Variants in TIMM10 observed in about 807,000 individuals in gnomAD.
TIMM10 encodes the protein mitochondrial import inner membrane translocase subunit Tim10.
In TIMM10, 13 loss-of-function variants were observed where a neutral mutation model predicts 9.1. The ratio of observed to expected loss-of-function variants is 1.42; its 90% CI spans 0.93 to 2.26. The LOEUF is 2.26. TIMM10 is among the 30% of genes most tolerant of loss of function. The pLI, the probability that TIMM10 is intolerant of heterozygous loss-of-function variation, is 0.00. For missense variants in TIMM10, 82 were observed against 113.6 expected, an observed-to-expected ratio of 0.72 and a Z score of 1.26; for synonymous variants, 40 against 42.1, an observed-to-expected ratio of 0.95 and a Z score of 0.20.
At position 57,528,470 on chromosome 11, in the gene TIMM10, T is replaced by A. The variant is rs1305522434; in HGVS notation, c.*247A>T. The A allele has an allele frequency of 6.3e-6, 1 of 159,342 alleles. No individual in the cohort carries two copies. The highest frequency in any genetic ancestry group is 1.3e-5 in the Non-Finnish European group (1 of 79,390). The allele number at this position is 159,342 out of a possible 1,614,324, so 9.9% of individuals were successfully genotyped here. ...CACACTGCTTTGCACATAGTAGGTG[T>A]CAACAAACTTGTTTATATATATATA... is the stretch of plus-strand genomic sequence containing the variant. On this transcript the variant is annotated 3_prime_UTR_variant, in exon 3 of 3. Coordinates refer to ENST00000257245, the MANE Select transcript of TIMM10 (RefSeq NM_012456.3).
chr11:57,528,609 A>T lies in TIMM10; in HGVS notation c.*108T>A. On this transcript the variant is annotated 3_prime_UTR_variant, in exon 3 of 3. Transcript: ENST00000257245. ...CACTCCGGGATCTTGAAGACTCTCTACAGAGAGCCTAGGCCTGGCAGTCTT... is the reference window on the plus strand; with the variant it reads ...CACTCCGGGATCTTGAAGACTCTCTTCAGAGAGCCTAGGCCTGGCAGTCTT... 2 of 1,081,908 alleles carry T rather than the reference A, an allele frequency of 1.8e-6. No individual in the cohort carries two copies. The highest frequency in any genetic ancestry group is 2.7e-6 in the Non-Finnish European group (2 of 731,520). The allele number at this position is 1,081,908 out of a possible 1,614,324, so 67.0% of individuals were successfully genotyped here. A position where few individuals can be genotyped will look rare whatever the true frequency, so the allele number is the denominator to read the frequency against.
intron 1 of TIMM10, 129 bp downstream of exon 1, chr11:57,530,529 C>T: frequency 3.4e-6 from 1 of 290,444 alleles, no homozygotes. Flanking sequence ...GAACCTGAAC[C>T]TCCAGGGCCC....
rs762207558 is a variant in TIMM10 at position 57,528,963 on chromosome 11, C to T, written c.72-45G>A. 3 of 1,600,918 alleles carry T rather than the reference C, an allele frequency of 1.9e-6. No individual in the cohort carries two copies. In the South Asian group the frequency reaches 3.3e-5, roughly 18 times the overall value. ...AGGTCATGTCAGCAGCATCCTGTGACATCCCAGGAACCTTGACCATTCCAG... is the reference window on the plus strand; with the variant it reads ...AGGTCATGTCAGCAGCATCCTGTGATATCCCAGGAACCTTGACCATTCCAG... On this transcript the variant is annotated intron_variant, in intron 2 of 2. Transcript: ENST00000257245.
rs775562451 is a variant in TIMM10 at position 57,528,692 on chromosome 11, C to T, written c.*25G>A. The T allele has an allele frequency of 3.1e-6, 5 of 1,610,816 alleles. No homozygotes were observed. The highest frequency in any genetic ancestry group is 4.2e-6 in the Non-Finnish European group (5 of 1,178,256). On this transcript the variant is annotated 3_prime_UTR_variant, in exon 3 of 3. Coordinates refer to ENST00000257245, the MANE Select transcript of TIMM10 (RefSeq NM_012456.3). ...TAAAGTGGGAAGGGGTGGGGTACAC[C>T]CCAGGGTGTATACTGACAGGGACCT...
At chr11:57,529,899 C>G (rs1414092293) in intron 2 of TIMM10, among the ~76,000 whole-genome samples, 1 of 152,162 alleles carries the variant, frequency 6.6e-6, no homozygotes, top group African/African-American at 2.4e-5. Context: ...CTGCTTGGCT[C>G]CTGCATTGCC....
chr11:57,528,679 G>A lies in TIMM10; in HGVS notation c.*38C>T, dbSNP rs1195812793. 2 of 1,598,668 alleles carry A rather than the reference G, an allele frequency of 1.3e-6. No individual in the cohort carries two copies. Among genetic ancestry groups the A allele is most frequent in the Admixed American group, 1.7e-5 (1 of 59,938 alleles). ...GGAGCACGTTTATTAAAGTGGGAAG[G>A]GGTGGGGTACACCCCAGGGTGTATA... is the stretch of plus-strand genomic sequence containing the variant. On this transcript the variant is annotated 3_prime_UTR_variant, in exon 3 of 3. Coordinates refer to ENST00000257245, the MANE Select transcript of TIMM10 (RefSeq NM_012456.3).
Position 57,528,766 on chromosome 11 carries a change from T to C in TIMM10, c.224A>G (p.Gln75Arg), listed in dbSNP as rs1944773283. 1 of 1,614,098 alleles carries C rather than the reference T, an allele frequency of 6.2e-7. No homozygotes were observed. The change falls in exon 3 of 3, where the codon CAG (glutamine) becomes CGG (arginine). Residue 75 changes from glutamine (Q) to arginine (R), a missense_variant. Physicochemically the swap from Gln to Arg is conservative, Grantham distance 43 (BLOSUM62 1). Coordinates refer to ENST00000257245, the MANE Select transcript of TIMM10 (RefSeq NM_012456.3). Reference sequence around the variant, plus strand: ...CACCCTCTTCATCAGCTCTTCATCCTGCATAGACAACTCTGTCAACTTTTT... The same window carrying C: ...CACCCTCTTCATCAGCTCTTCATCCCGCATAGACAACTCTGTCAACTTTTT... ...MGKKLTELSMQDEELMKRVQQ... is the reference protein window; with the variant it reads ...MGKKLTELSMRDEELMKRVQQ...
chr11:57,530,496 CGGA>C (rs746305667), intron 1 of TIMM10, among the ~76,000 whole-genome samples, 159 bp downstream of exon 1: 18 of 152,088 alleles, frequency 1.2e-4, no homozygotes, highest in Non-Finnish European at 2.6e-4. Flanking sequence ...GATCGAGGAC[CGGA>C]GGAGAACTCT....
chr11:57,530,353 G>A, intron 1 of TIMM10, 119 bp from the exon 2 acceptor site: 1 of 620,964 alleles, frequency 1.6e-6, no homozygotes, highest in South Asian at 1.9e-5. Context: ...ACCTCAGTGA[G>A]CTTAACCACC....
At chr11:57,529,027 G>T in intron 2 of TIMM10, 109 bp from the exon 3 acceptor site, 1 of 1,203,292 alleles carries the variant, frequency 8.3e-7, no homozygotes, top group Non-Finnish European at 1.2e-6. Context: ...AGAAAGCAGT[G>T]TAAATCCTCA....
chr11:57,530,053 A>ACC, intron 2 of TIMM10, 66 bp downstream of exon 2: 2 of 1,565,876 alleles, frequency 1.3e-6, no homozygotes, highest in Non-Finnish European at 1.8e-6. Flanking sequence ...GTCATAAGTC[A>ACC]TTCACCTTCG....
intron 2 of TIMM10, among the ~76,000 whole-genome samples, chr11:57,529,278 G>A (rs942826533): frequency 6.6e-6 from 1 of 152,204 alleles, no homozygotes; most frequent in Non-Finnish European, 1.5e-5. Context: ...GGATCACACA[G>A]AGCTGGGTTA....
chr11:57,528,494 TA>T lies in TIMM10; in HGVS notation c.*222del, dbSNP rs1944769983. On this transcript the variant is annotated 3_prime_UTR_variant, in exon 3 of 3. Transcript: ENST00000257245. Reference sequence around the variant, plus strand: ...GTCAACAAACTTGTTTATATATATATATATATATATATATATATATATACAC... The same window carrying T: ...GTCAACAAACTTGTTTATATATATATTATATATATATATATATATATACAC... 1 of 123,400 alleles carries T rather than the reference TA, an allele frequency of 8.1e-6. No individual in the cohort carries two copies. Among genetic ancestry groups the T allele is most frequent in the Non-Finnish European group, 1.8e-5 (1 of 57,046 alleles). 7.6% of individuals were successfully genotyped at this position (123,400 alleles called of 1,614,324 possible).
At chr11:57,530,058 C>T (rs1944783435) in intron 2 of TIMM10, 61 bp downstream of exon 2, 2 of 1,589,768 alleles carry the variant, frequency 1.3e-6, no homozygotes, top group East Asian at 2.2e-5. Context: ...AAGTCATTCA[C>T]CTTCGATAAG....
chr11:57,529,593 T>C (rs972462506), intron 2 of TIMM10, among the ~76,000 whole-genome samples: 1 of 152,170 alleles, frequency 6.6e-6, no homozygotes, highest in African/African-American at 2.4e-5. Flanking sequence ...ATTTGCCAAA[T>C]GGTTATGAGC....
At position 57,528,888 on chromosome 11, in the gene TIMM10, C is replaced by A; in HGVS notation, c.102G>T (p.Val34=). Residue 34 remains valine, a synonymous_variant, in exon 3 of 3, where the codon GTG becomes GTT. Coordinates refer to ENST00000257245, the MANE Select transcript of TIMM10 (RefSeq NM_012456.3). The part of the protein sequence containing the change: ...RMTSACHRKC[V]PPHYKEAELS... Reference sequence around the variant, plus strand: ...GCTCTGCTTCCTTGTAGTGAGGAGGCACACACTTCCGGTGGCAGGCACTGG... The same window carrying A: ...GCTCTGCTTCCTTGTAGTGAGGAGGAACACACTTCCGGTGGCAGGCACTGG... 1 of 1,613,584 alleles carries A rather than the reference C, an allele frequency of 6.2e-7. No individual in the cohort carries two copies. Among genetic ancestry groups the A allele is most frequent in the South Asian group, 1.1e-5 (1 of 91,044 alleles).
In TIMM10 at chr11:57,530,671, G is replaced by A. The variant is rs57769499; in HGVS notation, c.-59C>T. 8.9e-3 allele frequency: 1,393 copies of A among 155,766 alleles called. 20 individuals carry two copies. Among genetic ancestry groups the A allele is most frequent in the African/African-American group, 0.031 (1,306 of 41,646 alleles). 9.6% of individuals were successfully genotyped at this position (155,766 alleles called of 1,614,324 possible). On this transcript the variant is annotated 5_prime_UTR_variant, in exon 1 of 3. Transcript: ENST00000257245. Reference sequence around the variant, plus strand: ...TGTGTCACTTACCACTGCCTGGGACGGATCACAATGCCCACGGAGACCCCA... The same window carrying A: ...TGTGTCACTTACCACTGCCTGGGACAGATCACAATGCCCACGGAGACCCCA...
chr11:57,530,371 A>C, intron 1 of TIMM10, 137 bp from the exon 2 acceptor site: 1 of 577,884 alleles, frequency 1.7e-6, no homozygotes. Context: ...ACCCCATTTC[A>C]CGGATGTGGA....
At position 57,528,722 on chromosome 11, in the gene TIMM10, C is replaced by T; in HGVS notation, c.268G>A (p.Ala90Thr). The T allele has an allele frequency of 3.1e-6, 5 of 1,613,612 alleles. No homozygotes were observed. The highest frequency in any genetic ancestry group is 4.2e-6 in the Non-Finnish European group (5 of 1,179,968). The change falls in exon 3 of 3, where the codon GCA becomes ACA. Residue 90 changes from alanine to threonine, a missense_variant. Physicochemically the swap from Ala to Thr is moderately conservative, Grantham distance 58. Coordinates refer to ENST00000257245, the MANE Select transcript of TIMM10 (RefSeq NM_012456.3). Reference sequence around the variant, plus strand: ...GGTGTATACTGACAGGGACCTCATGCAGGCCCAGAGCTCTGCTGCACCCTC... The same window carrying T: ...GGTGTATACTGACAGGGACCTCATGTAGGCCCAGAGCTCTGCTGCACCCTC... ...MKRVQQSSGP[A>T]
Sources: gnomAD v4.1 joint callset for allele counts (sites outside exome capture counted in the v4.1 genomes callset) on GRCh38, gnomAD v4.1.1 for gene constraint, MANE v1.5 for transcripts, NCBI Gene and HGNC (gene_info 2026-07-23, HGNC 2026-07-21) for gene names.